OXR1: variants seen among roughly 807,000 people sequenced by gnomAD.
The protein encoded by OXR1 is oxidation resistance protein 1.
In OXR1, 41 loss-of-function variants were observed where a neutral mutation model predicts 104.6. The ratio of observed to expected loss-of-function variants is 0.39; its 90% confidence interval spans 0.31 to 0.51. OXR1 has a LOEUF of 0.51. OXR1 is among the 20% of genes least tolerant of loss of function. The pLI is 0.77. For missense variants in OXR1, 955 were observed against 1,031.9 expected, an observed-to-expected ratio of 0.93 and a Z score of 1.02; for synonymous variants, 348 against 348.4, an observed-to-expected ratio of 1.00 and a Z score of 0.01.
chr8:106,580,843 G>A, intron 3 of OXR1: 1 of 257,696 alleles, frequency 3.9e-6, no homozygotes, highest in Non-Finnish European at 6.1e-6. Flanking sequence ...CAAAAATGCA[G>A]GGCCAATATA....
rs562432345 is a variant in OXR1 at position 106,411,249 on chromosome 8, G to A, written c.23+51613G>A. On this transcript the variant is annotated intron_variant, in intron 2 of 16. Transcript: ENST00000517566. ...TTGGGAAAGTCCTGGTATCTTCAAG[G>A]AATTAAGAGACCAAAGAGAAGGCTG... is the stretch of plus-strand genomic sequence containing the variant. Among the ~76,000 whole-genome samples, 8 of 152,214 alleles carry A rather than the reference G, an allele frequency of 5.3e-5. No homozygotes were observed. The South Asian group carries it at 1.5e-3, about 28-fold the overall frequency.
intron 3 of OXR1, among the ~76,000 whole-genome samples, chr8:106,563,370 A>C (rs1398980909): frequency 1.3e-5 from 2 of 152,168 alleles, no homozygotes; most frequent in African/African-American, 2.4e-5. Context: ...GTTTAAACCA[A>C]CAGAGATCCA....
chr8:106,732,458 T>C (rs1271866435), intron 11 of OXR1, among the ~76,000 whole-genome samples: 2 of 152,176 alleles, frequency 1.3e-5, no homozygotes, highest in Non-Finnish European at 2.9e-5. Flanking sequence ...ATCCTTTCCT[T>C]GCTCCCAGTC....
At chr8:106,518,901 C>G in intron 2 of OXR1, 42 bp from the exon 3 acceptor site, 2 of 1,409,210 alleles carry the variant, frequency 1.4e-6, no homozygotes, top group South Asian at 1.4e-5. Context: ...AAATGTGTCT[C>G]TAGAATCAGG....
chr8:106,364,175 T>C (rs1816369037), intron 2 of OXR1, among the ~76,000 whole-genome samples: 2 of 152,362 alleles, frequency 1.3e-5, no homozygotes, highest in East Asian at 1.9e-4. Flanking sequence ...TGGTGAATGA[T>C]CTTCATTACA....
At chr8:106,466,375 C>G (rs983105314) in intron 2 of OXR1, among the ~76,000 whole-genome samples, 2 of 151,668 alleles carry the variant, frequency 1.3e-5, no homozygotes, top group East Asian at 1.9e-4. Flanking sequence ...GTGTGGCAGA[C>G]AAGAGGGACT....
chr8:106,391,312 T>C (rs1233310630), intron 2 of OXR1, among the ~76,000 whole-genome samples: 1 of 152,216 alleles, frequency 6.6e-6, no homozygotes, highest in Non-Finnish European at 1.5e-5. Context: ...GTAGATCTAA[T>C]TCAGCCAGGG....
At chr8:106,434,077 A>G (rs1026785823) in intron 2 of OXR1, among the ~76,000 whole-genome samples, 7 of 152,184 alleles carry the variant, frequency 4.6e-5, no homozygotes, top group Admixed American at 3.3e-4. Flanking sequence ...CAAGTTTGAT[A>G]TTATGTTTAT....
chr8:106,384,998 A>G (rs1445991929), intron 2 of OXR1, among the ~76,000 whole-genome samples: 1 of 152,200 alleles, frequency 6.6e-6, no homozygotes, highest in African/African-American at 2.4e-5. Context: ...TACAGGCATG[A>G]GCCACTGCTC....
intron 7 of OXR1, chr8:106,698,000 C>T (rs1188129186): frequency 1.2e-6 from 2 of 1,612,716 alleles, no homozygotes; most frequent in Non-Finnish European, 1.7e-6. Context: ...TAATGCAGGT[C>T]CCCTGTTGGC....
intron 2 of OXR1, among the ~76,000 whole-genome samples, chr8:106,491,403 A>G (rs745637589): frequency 6.6e-6 from 1 of 152,180 alleles, no homozygotes; most frequent in Non-Finnish European, 1.5e-5. Context: ...CACCAGTGTG[A>G]GCATGTTGTT....
chr8:106,392,717 A>G (rs886210553), intron 2 of OXR1, among the ~76,000 whole-genome samples: 4 of 152,192 alleles, frequency 2.6e-5, no homozygotes, highest in Non-Finnish European at 4.4e-5. Flanking sequence ...TAACCTAGTT[A>G]TCACCCTAAA....
At chr8:106,610,323 T>C (rs1820721313) in intron 3 of OXR1, among the ~76,000 whole-genome samples, 1 of 152,164 alleles carries the variant, frequency 6.6e-6, no homozygotes, top group African/African-American at 2.4e-5. Flanking sequence ...ATAATCATCA[T>C]CTTCTAAGTA....
chr8:106,577,380 T>A (rs1817923612), intron 3 of OXR1, among the ~76,000 whole-genome samples: 3 of 47,564 alleles, frequency 6.3e-5, no homozygotes, highest in Admixed American at 2.5e-4. Flanking sequence ...CCAGCTAACT[T>A]TTTTTTTTTT....
intron 1 of OXR1, among the ~76,000 whole-genome samples, chr8:106,298,046 G>A (rs1285368089): frequency 1.3e-5 from 2 of 152,116 alleles, no homozygotes; most frequent in Non-Finnish European, 2.9e-5. Context: ...AATTCGGCTG[G>A]TAGTCAACAG....
chr8:106,683,167 C>A, intron 4 of OXR1, 32 bp from the exon 5 acceptor site: 1 of 1,080,512 alleles, frequency 9.3e-7, no homozygotes, highest in Non-Finnish European at 1.4e-6. Flanking sequence ...CTGTTTTAAA[C>A]ATTGAAATAA....
At chr8:106,311,301 C>G (rs1437558420) in intron 1 of OXR1, among the ~76,000 whole-genome samples, 2 of 152,078 alleles carry the variant, frequency 1.3e-5, no homozygotes, top group Admixed American at 1.3e-4. Context: ...TCTGTTCTTG[C>G]ATTGTTCCTT....
chr8:106,271,162 G>A (rs1350080585), intron 1 of OXR1, among the ~76,000 whole-genome samples: 1 of 152,074 alleles, frequency 6.6e-6, no homozygotes, highest in African/African-American at 2.4e-5. Context: ...GTTCAGGAGA[G>A]GGTTGGAGGC....
At chr8:106,429,409 C>T (rs994694242) in intron 2 of OXR1, among the ~76,000 whole-genome samples, 1 of 152,116 alleles carries the variant, frequency 6.6e-6, no homozygotes, top group Non-Finnish European at 1.5e-5. Context: ...TCTGTAATCC[C>T]AGCACTATGG....
Sources: allele counts gnomAD v4.1 joint callset (sites outside exome capture counted in the v4.1 genomes callset), GRCh38; gene constraint gnomAD v4.1.1; transcripts MANE v1.5; gene names NCBI Gene and HGNC (gene_info 2026-07-23, HGNC 2026-07-21).